The following CFAP43 variants were observed in gnomAD, a reference collection of about 807,000 sequenced individuals.
The protein encoded by CFAP43 is cilia and flagella associated protein 43.
In CFAP43, 155 loss-of-function variants were observed where a neutral mutation model predicts 218.9. The observed-to-expected ratio is 0.71, with a 90% confidence interval of 0.62 to 0.81. The LOEUF (loss-of-function observed/expected upper bound fraction) is 0.81. Among genes scored for constraint, CFAP43 ranks in the 30% least tolerant of loss-of-function variants. CFAP43 has a pLI of 0.00. For synonymous variants in CFAP43, 645 were observed against 681.3 expected (o/e 0.95, Z 0.83); for missense variants, 1,778 against 1,954.3 (o/e 0.91, Z 1.70).
intron 3 of CFAP43, among the ~76,000 whole-genome samples, chr10:104,214,939 C>T (rs1018371424): frequency 5.3e-5 from 8 of 152,112 alleles, no homozygotes; most frequent in Admixed American, 4.6e-4. Context: ...AGTTCAAGAC[C>T]AGCCTGGCCA....
At chr10:104,145,657 T>G (rs999697268) in intron 30 of CFAP43, 93 bp from the exon 31 acceptor site, 23 of 776,440 alleles carry the variant, frequency 3.0e-5, no homozygotes, top group Non-Finnish European at 4.0e-5. Context: ...GGTAGCACTT[T>G]GGTTTTAAAA....
At chr10:104,179,235 T>C (rs2089738484) in intron 18 of CFAP43, 129 bp from the exon 19 acceptor site, 1 of 701,878 alleles carries the variant, frequency 1.4e-6, no homozygotes, top group Admixed American at 2.8e-5. Context: ...AAAGTGTACA[T>C]GAAGTAATAC....
chr10:104,160,867 T>C (rs980469573), intron 27 of CFAP43, among the ~76,000 whole-genome samples, 170 bp downstream of exon 27: 12 of 152,218 alleles, frequency 7.9e-5, no homozygotes, highest in African/African-American at 2.7e-4. Flanking sequence ...TTAAAATTGG[T>C]TTAATTCCTT....
chr10:104,179,223 A>T, intron 18 of CFAP43, 117 bp from the exon 19 acceptor site: 1 of 825,782 alleles, frequency 1.2e-6, no homozygotes. Context: ...AAAGACTAAT[A>T]TAAAGTGTAC....
chr10:104,185,853 C>T (rs2090011458), intron 15 of CFAP43, 121 bp downstream of exon 15: 2 of 763,006 alleles, frequency 2.6e-6, no homozygotes, highest in Non-Finnish European at 4.0e-6. Context: ...TAATTAGTAC[C>T]TTCAATATCT....
intron 28 of CFAP43, among the ~76,000 whole-genome samples, chr10:104,152,319 G>A (rs1429085708): frequency 1.3e-5 from 2 of 152,130 alleles, no homozygotes; most frequent in African/African-American, 2.4e-5. Context: ...TTTTGAGCTG[G>A]GATCTGAAGG....
intron 8 of CFAP43, among the ~76,000 whole-genome samples, chr10:104,199,316 C>T (rs886188976): frequency 3.9e-5 from 6 of 152,100 alleles, no homozygotes; most frequent in Admixed American, 2.0e-4. Context: ...AAGTTCTTCA[C>T]GCTTACTTGA....
intron 19 of CFAP43, among the ~76,000 whole-genome samples, chr10:104,177,145 A>G (rs2089658589): frequency 6.6e-6 from 1 of 152,190 alleles, no homozygotes; most frequent in Non-Finnish European, 1.5e-5. Flanking sequence ...TAAAATGCCC[A>G]TCGAAGTCTA....
intron 2 of CFAP43, among the ~76,000 whole-genome samples, chr10:104,229,414 A>G (rs1326589505): frequency 6.7e-6 from 1 of 149,282 alleles, no homozygotes; most frequent in African/African-American, 2.5e-5. Flanking sequence ...GCACTTTGGG[A>G]GGCGGAGGTG....
chr10:104,221,146 T>G (rs948599416), intron 3 of CFAP43, among the ~76,000 whole-genome samples: 5 of 152,160 alleles, frequency 3.3e-5, no homozygotes, highest in African/African-American at 1.2e-4. Flanking sequence ...GGCTAATTTT[T>G]GTATTTTTAG....
chr10:104,144,355 A>G (rs1306731981), intron 31 of CFAP43, among the ~76,000 whole-genome samples: 2 of 152,168 alleles, frequency 1.3e-5, no homozygotes, highest in Admixed American at 6.5e-5. Flanking sequence ...TCACTCTTTT[A>G]AAAATAGGAA....
Position 104,185,978 on chromosome 10 carries a change from G to C in CFAP43, c.2006C>G (p.Thr669Ser), listed in dbSNP as rs1226279050. ...TTTTTTAAGAAAGCAGCTTACCAAA[G>C]TATAAACGTCTCGGATACACAGAAT... ...CGILCIRDVY[T>S]LETFAWCRSH... Residue 669 changes from threonine to serine, a missense_variant, in exon 15 of 38, where the codon ACT becomes AGT. By Grantham distance (58) the Thr-to-Ser change is moderately conservative. Transcript: ENST00000357060. The C allele has an allele frequency of 1.2e-6, 2 of 1,610,710 alleles. No individual in the cohort carries two copies. The highest frequency in any genetic ancestry group is 4.5e-5 in the East Asian group (2 of 44,704).
chr10:104,136,165 C>A (rs946351285), intron 34 of CFAP43, among the ~76,000 whole-genome samples: 1 of 145,262 alleles, frequency 6.9e-6, no homozygotes, highest in Non-Finnish European at 1.5e-5. Flanking sequence ...GCAGGAGAAT[C>A]GCTTGAATCC....
At chr10:104,225,670 T>C in intron 2 of CFAP43, 113 bp from the exon 3 acceptor site, 1 of 849,548 alleles carries the variant, frequency 1.2e-6, no homozygotes. Context: ...TTCAAAAGCA[T>C]TTAACTATTA....
At chr10:104,172,592 T>A in intron 19 of CFAP43, 57 bp from the exon 20 acceptor site, 1 of 1,427,198 alleles carries the variant, frequency 7.0e-7, no homozygotes, top group Middle Eastern at 2.1e-4. Context: ...TGTAATAAGA[T>A]AATTTTCTTA....
intron 23 of CFAP43, among the ~76,000 whole-genome samples, chr10:104,164,997 G>A (rs1012297233): frequency 3.3e-5 from 5 of 152,216 alleles, no homozygotes; most frequent in Admixed American, 6.5e-5. Flanking sequence ...GTTGGCACAT[G>A]TCTTTTCTTT....
intron 34 of CFAP43, among the ~76,000 whole-genome samples, chr10:104,138,923 T>C (rs2087574563): frequency 6.6e-6 from 1 of 152,224 alleles, no homozygotes; most frequent in African/African-American, 2.4e-5. Context: ...TTACAACTTT[T>C]CTAAAACAAA....
In CFAP43 at chr10:104,161,049, ATC is replaced by A; in HGVS notation, c.3526_3527del (p.Asp1176Ter). The A allele has an allele frequency of 2.5e-6, 4 of 1,608,258 alleles. No individual in the cohort carries two copies. The highest frequency in any genetic ancestry group is 1.7e-6 in the Non-Finnish European group (2 of 1,175,342). On this transcript the variant is annotated frameshift_variant, in exon 27 of 38. Coordinates refer to ENST00000357060, the MANE Select transcript of CFAP43 (RefSeq NM_025145.7). LOFTEE classifies it high-confidence loss of function. ...KKVKELNEER[D>X]KYRKSLEAEL... ...TTGCTCTTCTGACCTTTCTATACTT[ATC>A]TCTTTCTTCATTTAACTCCTTTACT...
chr10:104,141,802 A>AT (rs1038425496), intron 33 of CFAP43, among the ~76,000 whole-genome samples: 35 of 152,302 alleles, frequency 2.3e-4, no homozygotes, highest in South Asian at 1.9e-3. Flanking sequence ...TCAGAGAAGT[A>AT]TTTATCGATG....
Sources: allele counts gnomAD v4.1 joint callset (sites outside exome capture counted in the v4.1 genomes callset), GRCh38; gene constraint gnomAD v4.1.1; transcripts MANE v1.5; gene names NCBI Gene and HGNC (gene_info 2026-07-23, HGNC 2026-07-21).